COLEC12: variants seen among roughly 807,000 people sequenced by gnomAD.
COLEC12 encodes the protein collectin-12.
Under a neutral mutation model 71.1 loss-of-function variants are expected in COLEC12, and 33 were observed. That is an observed-to-expected ratio of 0.46 (90% CI 0.35 to 0.62). The LOEUF is 0.62. Among genes scored for constraint, COLEC12 ranks in the 20% least tolerant of loss-of-function variants. The pLI is 0.00. For missense variants in COLEC12, 765 were observed against 916.1 expected (o/e 0.84, Z 2.13); for synonymous variants, 350 against 353.0 (o/e 0.99, Z 0.10).
intron 2 of COLEC12, among the ~76,000 whole-genome samples, chr18:463,725 T>C (rs991846028): frequency 6.6e-6 from 1 of 152,156 alleles, no homozygotes; most frequent in Non-Finnish European, 1.5e-5. Context: ...TCTCACTTCA[T>C]TCCCGTTGTC....
At chr18:352,343 C>G (rs974259390) in intron 3 of COLEC12, among the ~76,000 whole-genome samples, 7 of 152,168 alleles carry the variant, frequency 4.6e-5, no homozygotes, top group Non-Finnish European at 1.0e-4. Context: ...AAGTCCTGCC[C>G]TTCTTTCCTG....
intron 8 of COLEC12, among the ~76,000 whole-genome samples, chr18:326,969 A>G (rs116579183): frequency 2.0e-5 from 3 of 152,278 alleles, no homozygotes; most frequent in South Asian, 2.1e-4. Context: ...CATGATCCCA[A>G]TGACGACTGC....
At position 346,868 on chromosome 18, in the gene COLEC12, T is replaced by A; in HGVS notation, c.754A>T (p.Lys252Ter). ...QNLQQVFLQA[K>*]KDTDWLKEKV... ...TCCTTCAGCCAATCCGTGTCCTTCT[T>A]GGCTTGAAGAAAAACCTGCTGCAGA... The change falls in exon 5 of 10, where the codon AAG (lysine) becomes TAG (stop). Residue 252 changes from lysine (K) to a stop codon, truncating the protein, a stop_gained. Coordinates refer to ENST00000400256, the MANE Select transcript of COLEC12 (RefSeq NM_130386.3). LOFTEE classifies it high-confidence loss of function. The surrounding 1 kb of genome is among the most constrained non-coding windows in gnomAD (Gnocchi z 4.0). The A allele has an allele frequency of 6.2e-7, 1 of 1,614,200 alleles. No individual in the cohort carries two copies. The highest frequency in any genetic ancestry group is 8.5e-7 in the Non-Finnish European group (1 of 1,180,008).
At chr18:321,950 T>C (rs1913716331) in intron 8 of COLEC12, 143 bp from the exon 9 acceptor site, 2 of 782,038 alleles carry the variant, frequency 2.6e-6, no homozygotes, top group East Asian at 2.5e-5. Flanking sequence ...AATCAGTACA[T>C]GCTCTTATTC....
chr18:390,163 A>G (rs1396908139), intron 2 of COLEC12, among the ~76,000 whole-genome samples: 2 of 152,232 alleles, frequency 1.3e-5, no homozygotes, highest in African/African-American at 4.8e-5. Context: ...GCAGGGGGCT[A>G]GGTCCCCACC....
intron 8 of COLEC12, among the ~76,000 whole-genome samples, chr18:323,110 A>C (rs1913753127): frequency 6.6e-6 from 1 of 152,172 alleles, no homozygotes; most frequent in South Asian, 2.1e-4. Flanking sequence ...CTGTAGTCCC[A>C]GCTACTTGGG....
At chr18:380,630 A>G (rs1478940003) in intron 2 of COLEC12, among the ~76,000 whole-genome samples, 1 of 152,112 alleles carries the variant, frequency 6.6e-6, no homozygotes, top group Non-Finnish European at 1.5e-5. Context: ...CGCTTGCAGG[A>G]TGTCTTCTCC....
chr18:395,141 GC>G (rs755608773), intron 2 of COLEC12, among the ~76,000 whole-genome samples: 17 of 152,330 alleles, frequency 1.1e-4, no homozygotes, highest in Non-Finnish European at 2.2e-4. Flanking sequence ...GTGAATGAAA[GC>G]CAAGTGTGGA....
chr18:431,481 C>T (rs1004287170), intron 2 of COLEC12, among the ~76,000 whole-genome samples: 2 of 152,120 alleles, frequency 1.3e-5, no homozygotes, highest in African/African-American at 4.8e-5. Context: ...TAAAACCAGA[C>T]CTGAATGAAT....
At chr18:438,411 C>T (rs910808679) in intron 2 of COLEC12, among the ~76,000 whole-genome samples, 2 of 152,036 alleles carry the variant, frequency 1.3e-5, no homozygotes, top group Admixed American at 6.5e-5. Flanking sequence ...CATACTAAAA[C>T]CTGAAGTATT....
chr18:457,553 G>A (rs758968416), intron 2 of COLEC12, among the ~76,000 whole-genome samples: 4 of 152,158 alleles, frequency 2.6e-5, no homozygotes, highest in Non-Finnish European at 5.9e-5. Flanking sequence ...CCCCATCTCT[G>A]CGAAAAGAGG....
chr18:465,172 A>G (rs1028020687), intron 2 of COLEC12, among the ~76,000 whole-genome samples: 5 of 152,162 alleles, frequency 3.3e-5, no homozygotes, highest in African/African-American at 1.2e-4. Flanking sequence ...GGTGGATCTC[A>G]GCTCACTGCA....
chr18:459,979 G>A (rs1341032434), intron 2 of COLEC12, among the ~76,000 whole-genome samples: 1 of 151,746 alleles, frequency 6.6e-6, no homozygotes, highest in Non-Finnish European at 1.5e-5. Flanking sequence ...CTTTAAAATG[G>A]CCAAGTGATG....
intron 2 of COLEC12, among the ~76,000 whole-genome samples, chr18:406,314 C>T (rs1915784282): frequency 6.6e-6 from 1 of 151,968 alleles, no homozygotes; most frequent in African/African-American, 2.4e-5. Flanking sequence ...TCGAGACCAT[C>T]CTGGCTAACA....
At position 362,172 on chromosome 18, in the gene COLEC12, C is replaced by T. The variant is rs1015843600; in HGVS notation, c.59-4650G>A. Among the ~76,000 whole-genome samples, 5 of 152,266 alleles carry T rather than the reference C, an allele frequency of 3.3e-5. No homozygotes were observed. The highest frequency in any genetic ancestry group is 3.4e-3 in the Middle Eastern group (1 of 294). On this transcript the variant is annotated intron_variant, in intron 2 of 9. Coordinates refer to ENST00000400256, the MANE Select transcript of COLEC12 (RefSeq NM_130386.3). The surrounding 1 kb of genome is among the most constrained non-coding windows in gnomAD (Gnocchi z 4.6). ...TGTGGTATTCGTGCAGATCCAAGCC[C>T]GGACAGCTGTCACTGGTTCACATTC...
chr18:330,287 G>A (rs1913942404), intron 8 of COLEC12, among the ~76,000 whole-genome samples: 1 of 152,086 alleles, frequency 6.6e-6, no homozygotes, highest in South Asian at 2.1e-4. Context: ...CTGATACAGG[G>A]CTAGGCCTCC....
At chr18:335,349 CA>C (rs1380077963) in intron 5 of COLEC12, 119 bp from the exon 6 acceptor site, 4 of 1,057,612 alleles carry the variant, frequency 3.8e-6, no homozygotes, top group Non-Finnish European at 5.3e-6. Context: ...GTATATACAG[CA>C]GGGAAAGACC....
rs532831164 is a variant in COLEC12, at chr18:480,812, G to A, written c.8-55C>T. The stretch of plus-strand genomic sequence containing the variant: ...TCCTGGCAAGGGGCACAGAAGCAGA[G>A]GGTGGGGCAGGATGCGACCTGCTTC... On this transcript the variant is annotated intron_variant, in intron 1 of 9. Coordinates refer to ENST00000400256, the MANE Select transcript of COLEC12 (RefSeq NM_130386.3). This position sits in a 1 kb window ranked among gnomAD's most constrained non-coding sequence, Gnocchi z 4.1. 5.4e-6 allele frequency: 8 copies of A among 1,486,768 alleles called. No homozygotes were observed. Among genetic ancestry groups the A allele is most frequent in the South Asian group, 1.1e-5 (1 of 88,554 alleles). The allele number at this position is 1,486,768 out of a possible 1,614,324, so 92.1% of individuals were successfully genotyped here. A position where few individuals can be genotyped will look rare whatever the true frequency, so the allele number is the denominator to read the frequency against.
At chr18:402,127 A>C (rs1915699251) in intron 2 of COLEC12, among the ~76,000 whole-genome samples, 1 of 152,162 alleles carries the variant, frequency 6.6e-6, no homozygotes, top group South Asian at 2.1e-4. Flanking sequence ...AAAGCAGCCA[A>C]AGCAGAGATT....
Sources: gnomAD v4.1 joint callset for allele counts (sites outside exome capture counted in the v4.1 genomes callset) on GRCh38, gnomAD v4.1.1 for gene constraint, Gnocchi (gnomAD v3.1) non-coding constraint, MANE v1.5 for transcripts, NCBI Gene and HGNC (gene_info 2026-07-23, HGNC 2026-07-21) for gene names.